Variants in CEP128 observed in about 807,000 individuals in gnomAD.
The protein encoded by CEP128 is centrosomal protein 128kDa.
CEP128 carries 132 observed loss-of-function variants against 156.7 expected under a neutral mutation model. The ratio of observed to expected loss-of-function variants is 0.84; its 90% confidence interval spans 0.73 to 0.97. The LOEUF is 0.97. CEP128 is among the 50% of genes least tolerant of loss of function. The pLI is 0.00. For missense variants in CEP128, 1,252 were observed against 1,281.9 expected, an observed-to-expected ratio of 0.98 and a Z score of 0.36; for synonymous variants, 469 against 448.9, an observed-to-expected ratio of 1.04 and a Z score of -0.57.
intron 13 of CEP128, among the ~76,000 whole-genome samples, chr14:80,810,378 ACAATTCGACAAGAAAAAAAACTCACATAT>A (rs1884457346): frequency 6.6e-6 from 1 of 150,564 alleles, no homozygotes; most frequent in Non-Finnish European, 1.5e-5. Context: ...AAAACAATGA[ACAATTCGACAAGAAAAAAAACTCACATAT>A]CAATAATATA....
intron 8 of CEP128, among the ~76,000 whole-genome samples, chr14:80,883,966 C>T (rs2139331655): frequency 6.6e-6 from 1 of 152,228 alleles, no homozygotes; most frequent in Non-Finnish European, 1.5e-5. Flanking sequence ...TTGCAAAGAA[C>T]TTGTATTGGG....
intron 19 of CEP128, among the ~76,000 whole-genome samples, chr14:80,724,974 C>A (rs964218709): frequency 1.5e-3 from 217 of 145,480 alleles, no homozygotes; most frequent in Non-Finnish European, 2.8e-3. Context: ...ATATATCATA[C>A]ATATATATCA....
rs797011624 is a variant in CEP128, at chr14:80,751,743, C to A, written c.2613+5149G>T. ...CTCCTGGGTTGAAGCGATTCTCCTGCCTCAGCAACCGAAGTAGCTGGGATT... is the reference window on the plus strand; with the variant it reads ...CTCCTGGGTTGAAGCGATTCTCCTGACTCAGCAACCGAAGTAGCTGGGATT... On this transcript the variant is annotated intron_variant, in intron 18 of 24. Coordinates refer to ENST00000555265, the MANE Select transcript of CEP128 (RefSeq NM_152446.5). Among the ~76,000 whole-genome samples the A allele has an allele frequency of 5.9e-5, 9 of 151,896 alleles. No individual in the cohort carries two copies. In the South Asian group the frequency reaches 1.5e-3, roughly 25 times the overall value.
At chr14:80,956,718 A>T (rs1351798277) in intron 2 of CEP128, among the ~76,000 whole-genome samples, 1 of 152,228 alleles carries the variant, frequency 6.6e-6, no homozygotes, top group African/African-American at 2.4e-5. Flanking sequence ...AAATGTTGAT[A>T]GATGAAAAGA....
At chr14:80,920,869 G>A (rs1884823194) in intron 2 of CEP128, among the ~76,000 whole-genome samples, 1 of 152,126 alleles carries the variant, frequency 6.6e-6, no homozygotes, top group Admixed American at 6.5e-5. Context: ...ATGTCAGCAG[G>A]TAATAAGTAT....
chr14:80,674,213 C>A (rs1399942834), intron 19 of CEP128, among the ~76,000 whole-genome samples: 3 of 151,692 alleles, frequency 2.0e-5, no homozygotes, highest in African/African-American at 7.3e-5. Flanking sequence ...AAGGAGATAA[C>A]AACAAAATAA....
intron 2 of CEP128, among the ~76,000 whole-genome samples, chr14:80,946,951 TAA>T (rs1886359831): frequency 6.6e-6 from 1 of 152,126 alleles, no homozygotes; most frequent in African/African-American, 2.4e-5. Flanking sequence ...AACTGTTGTT[TAA>T]AAGTGTGAAG....
At chr14:80,921,941 C>T (rs988074092) in intron 2 of CEP128, among the ~76,000 whole-genome samples, 60 of 149,710 alleles carry the variant, frequency 4.0e-4, no homozygotes, top group Non-Finnish European at 1.9e-4. Flanking sequence ...CCAGCTGGGG[C>T]GACAACCGAG....
chr14:80,680,970 C>T (rs1036371062), intron 19 of CEP128, among the ~76,000 whole-genome samples: 3 of 152,098 alleles, frequency 2.0e-5, no homozygotes, highest in African/African-American at 7.2e-5. Flanking sequence ...CAATAGAGAC[C>T]CTCTCCCAAT....
intron 19 of CEP128, among the ~76,000 whole-genome samples, chr14:80,721,582 ACTTT>A (rs1897818327): frequency 6.6e-6 from 1 of 152,184 alleles, no homozygotes; most frequent in Admixed American, 6.5e-5. Context: ...AATTAATTTC[ACTTT>A]CTTTTTACCT....
intron 6 of CEP128, among the ~76,000 whole-genome samples, chr14:80,903,247 A>G (rs1883685682): frequency 2.6e-5 from 4 of 152,302 alleles, no homozygotes; most frequent in South Asian, 4.1e-4. Flanking sequence ...CCAAGAACAC[A>G]CAATGGGGAA....
At chr14:80,905,924 T>C in intron 5 of CEP128, 31 bp downstream of exon 5, 2 of 1,602,514 alleles carry the variant, frequency 1.2e-6, no homozygotes, top group Non-Finnish European at 1.7e-6. Flanking sequence ...AAAATATTTT[T>C]AATGTTTTTC....
At chr14:80,906,370 T>C (rs902239131) in intron 4 of CEP128, among the ~76,000 whole-genome samples, 3 of 152,152 alleles carry the variant, frequency 2.0e-5, no homozygotes, top group Non-Finnish European at 4.4e-5. Context: ...CAAAACCAAA[T>C]TGAAATGTCT....
intron 19 of CEP128, among the ~76,000 whole-genome samples, chr14:80,611,969 A>T (rs181677431): frequency 9.3e-4 from 141 of 152,296 alleles, no homozygotes; most frequent in African/African-American, 3.2e-3. Flanking sequence ...GAGGCAGGAG[A>T]ATTGCTTGAA....
chr14:80,534,691 G>A (rs1889399431), intron 21 of CEP128, among the ~76,000 whole-genome samples: 1 of 152,046 alleles, frequency 6.6e-6, no homozygotes, highest in South Asian at 2.1e-4. Context: ...CGGGCGCGGT[G>A]GCGGGCACCT....
intron 20 of CEP128, among the ~76,000 whole-genome samples, chr14:80,577,011 G>A (rs1240945465): frequency 6.6e-6 from 1 of 152,104 alleles, no homozygotes; most frequent in Non-Finnish European, 1.5e-5. Context: ...TAGCTAAATG[G>A]ATTCAAGAAT....
At chr14:80,738,476 T>G (rs1898646956) in intron 19 of CEP128, among the ~76,000 whole-genome samples, 1 of 152,134 alleles carries the variant, frequency 6.6e-6, no homozygotes, top group South Asian at 2.1e-4. Flanking sequence ...TCTATCACAT[T>G]AGATTAAAAT....
intron 19 of CEP128, among the ~76,000 whole-genome samples, chr14:80,715,553 T>G (rs1815091327): frequency 6.6e-6 from 1 of 152,136 alleles, no homozygotes. Context: ...GAAGGCCTCC[T>G]TGTGGAGGTG....
At chr14:80,650,901 AGGTTTT>A (rs1256047381) in intron 19 of CEP128, among the ~76,000 whole-genome samples, 3 of 152,058 alleles carry the variant, frequency 2.0e-5, no homozygotes, top group African/African-American at 7.2e-5. Context: ...TGTCTCTGCC[AGGTTTT>A]GGTATCAGGA....
Sources: gnomAD v4.1 joint callset for allele counts (sites outside exome capture counted in the v4.1 genomes callset) on GRCh38, gnomAD v4.1.1 for gene constraint, MANE v1.5 for transcripts, NCBI Gene and HGNC (gene_info 2026-07-23, HGNC 2026-07-21) for gene names.